The following MAP3K4 variants were observed in gnomAD, a reference collection of about 807,000 sequenced individuals.
The protein encoded by MAP3K4 is MAP three kinase 1.
A neutral mutation model predicts 185.6 loss-of-function variants in MAP3K4; 67 were observed. That is an observed-to-expected ratio of 0.36 (90% confidence interval 0.30 to 0.44). MAP3K4 has a LOEUF of 0.44. Among genes scored for constraint, MAP3K4 ranks in the 20% least tolerant of loss-of-function variants. MAP3K4 has a pLI of 1.00. For synonymous variants in MAP3K4, 702 were observed against 710.4 expected, an observed-to-expected ratio of 0.99 and a Z score of 0.19; for missense variants, 1,551 against 1,995.1, an observed-to-expected ratio of 0.78 and a Z score of 4.24.
chr6:161,044,281 A>T (rs1019346933), intron 2 of MAP3K4, among the ~76,000 whole-genome samples: 2 of 152,210 alleles, frequency 1.3e-5, no homozygotes, highest in South Asian at 2.1e-4. Context: ...CAAATAAAAC[A>T]TTCTATATAG....
chr6:161,054,394 A>T lies in MAP3K4; in HGVS notation c.1707+4415A>T, dbSNP rs1784143815. 6.6e-6 allele frequency among the ~76,000 whole-genome samples: 1 copy of T among 152,156 alleles called. No individual in the cohort carries two copies. The highest frequency in any genetic ancestry group is 6.5e-5 in the Admixed American group (1 of 15,270). ...GGTCTCAAACTCCTGACCTCACATG[A>T]TCCACCCGCCTTGGCCTCCCAAAGT... is the stretch of plus-strand genomic sequence containing the variant. On this transcript the variant is annotated intron_variant, in intron 3 of 26. Transcript: ENST00000392142. The surrounding 1 kb of genome is among the most constrained non-coding windows in gnomAD (Gnocchi z 4.2).
chr6:161,027,409 A>C (rs1473954735), intron 1 of MAP3K4, among the ~76,000 whole-genome samples: 2 of 152,232 alleles, frequency 1.3e-5, no homozygotes, highest in African/African-American at 2.4e-5. Flanking sequence ...TGCTTTGCAA[A>C]GTGTCAGTAT....
chr6:161,025,297 G>C (rs924039322), intron 1 of MAP3K4, among the ~76,000 whole-genome samples: 10 of 152,222 alleles, frequency 6.6e-5, no homozygotes, highest in African/African-American at 2.4e-4. Flanking sequence ...TTATTGGAGA[G>C]TGGTATTGGG....
intron 1 of MAP3K4, among the ~76,000 whole-genome samples, chr6:161,021,074 G>A (rs1406291851): frequency 2.0e-5 from 3 of 152,122 alleles, no homozygotes; most frequent in Non-Finnish European, 4.4e-5. Context: ...TTTTAATTAA[G>A]AAAGTTATAG....
Position 161,076,386 on chromosome 6 carries a change from A to T in MAP3K4, c.2097+2774A>T, listed in dbSNP as rs1005777477. 3.9e-5 allele frequency among the ~76,000 whole-genome samples: 6 copies of T among 152,238 alleles called. No homozygotes were observed. Among genetic ancestry groups the T allele is most frequent in the African/African-American group, 1.4e-4 (6 of 41,460 alleles). ...AGCAGGGGGAGGGGAAGCAGTGATT[A>T]GCAAGTTATGATGCAGAAATTCTGT... On this transcript the variant is annotated intron_variant, in intron 5 of 26. Coordinates refer to ENST00000392142, the MANE Select transcript of MAP3K4 (RefSeq NM_005922.4). This position sits in a 1 kb window ranked among gnomAD's most constrained non-coding sequence, Gnocchi z 4.2.
Position 161,061,820 on chromosome 6 carries a change from C to T in MAP3K4, c.1708-8788C>T, listed in dbSNP as rs1168602080. Among the ~76,000 whole-genome samples, 1 of 152,116 alleles carries T rather than the reference C, an allele frequency of 6.6e-6. No homozygotes were observed. The highest frequency in any genetic ancestry group is 1.5e-5 in the Non-Finnish European group (1 of 68,032). Reference sequence around the variant, plus strand: ...TCCTTTTTATGACTGAATAATATTCCATTGTATGGCTATACCACGTTTTGT... The same window carrying T: ...TCCTTTTTATGACTGAATAATATTCTATTGTATGGCTATACCACGTTTTGT... On this transcript the variant is annotated intron_variant, in intron 3 of 26. Transcript: ENST00000392142. The surrounding 1 kb of genome is among the most constrained non-coding windows in gnomAD (Gnocchi z 4.2).
At position 161,017,375 on chromosome 6, in the gene MAP3K4, A is replaced by G. The variant is rs936856900; in HGVS notation, c.153-16884A>G. Among the ~76,000 whole-genome samples the G allele has an allele frequency of 1.3e-5, 2 of 152,172 alleles. No homozygotes were observed. Among genetic ancestry groups the G allele is most frequent in the African/African-American group, 4.8e-5 (2 of 41,430 alleles). On this transcript the variant is annotated intron_variant, in intron 1 of 26. Transcript: ENST00000392142. The surrounding 1 kb of genome is among the most constrained non-coding windows in gnomAD (Gnocchi z 5.1). ...TAATAGGGATGAGGGTGATAGAACTACTAACTGTTTTTCTGACAAGCACGT... is the reference window on the plus strand; with the variant it reads ...TAATAGGGATGAGGGTGATAGAACTGCTAACTGTTTTTCTGACAAGCACGT...
chr6:161,000,342 G>A (rs1344097370), intron 1 of MAP3K4, among the ~76,000 whole-genome samples: 3 of 152,138 alleles, frequency 2.0e-5, no homozygotes, highest in Non-Finnish European at 4.4e-5. Context: ...CCTTGAGACT[G>A]AGTCAGGAGA....
chr6:161,048,245 G>A lies in MAP3K4; in HGVS notation c.344-371G>A, dbSNP rs759824102. On this transcript the variant is annotated intron_variant, in intron 2 of 26. Transcript: ENST00000392142. This position sits in a 1 kb window ranked among gnomAD's most constrained non-coding sequence, Gnocchi z 4.7. Reference sequence around the variant, plus strand: ...GGAATTAAATATATTTTCTCATCCAGGTGTCCGTCAGATCTCCCATGCTGT... The same window carrying A: ...GGAATTAAATATATTTTCTCATCCAAGTGTCCGTCAGATCTCCCATGCTGT... The A allele has an allele frequency of 7.4e-6, 4 of 540,730 alleles. No individual in the cohort carries two copies. The highest frequency in any genetic ancestry group is 1.5e-5 in the Non-Finnish European group (4 of 265,868). 33.5% of individuals were successfully genotyped at this position (540,730 alleles called of 1,614,324 possible). A position where few individuals can be genotyped will look rare whatever the true frequency, so the allele number is the denominator to read the frequency against.
At chr6:161,083,837 C>T (rs957876527) in intron 6 of MAP3K4, among the ~76,000 whole-genome samples, 3 of 152,152 alleles carry the variant, frequency 2.0e-5, no homozygotes, top group Non-Finnish European at 2.9e-5. Context: ...ACTGTGCCTT[C>T]GGGGTTGGTC....
chr6:161,107,048 GCGCACACACACACACACACACA>G lies in MAP3K4; in HGVS notation c.4048+345_4048+366del, dbSNP rs941876047. Among the ~76,000 whole-genome samples the G allele has an allele frequency of 2.1e-5, 3 of 141,002 alleles. No homozygotes were observed. The highest frequency in any genetic ancestry group is 7.6e-5 in the African/African-American group (3 of 39,218). The allele number at this position is 141,002 out of a possible 152,430, so 92.5% of individuals were successfully genotyped here. ...TCTCTCTCTCTCTCTACACACGCGC[GCGCACACACACACACACACACA>G]CACACACACGCAGAACGTGATTTGA... On this transcript the variant is annotated intron_variant, in intron 20 of 26. Coordinates refer to ENST00000392142, the MANE Select transcript of MAP3K4 (RefSeq NM_005922.4). The surrounding 1 kb of genome is among the most constrained non-coding windows in gnomAD (Gnocchi z 6.2).
chr6:161,000,840 T>C (rs193083458), intron 1 of MAP3K4, among the ~76,000 whole-genome samples: 15 of 144,392 alleles, frequency 1.0e-4, no homozygotes, highest in African/African-American at 1.7e-4. Flanking sequence ...CACATACACA[T>C]GTGTACGCAC....
intron 7 of MAP3K4, among the ~76,000 whole-genome samples, chr6:161,085,651 C>A (rs1332979195): frequency 6.6e-6 from 1 of 152,320 alleles, no homozygotes; most frequent in Admixed American, 6.5e-5. Flanking sequence ...CACATGGTTT[C>A]TCACCTGGGA....
chr6:161,010,080 A>C (rs2115074999), intron 1 of MAP3K4, among the ~76,000 whole-genome samples: 1 of 152,334 alleles, frequency 6.6e-6, no homozygotes, highest in East Asian at 1.9e-4. Context: ...CGTGAGGTTG[A>C]ATGCTGTTTT....
Position 161,037,503 on chromosome 6 carries a change from C to T in MAP3K4, c.343+3054C>T, listed in dbSNP as rs780507263. On this transcript the variant is annotated intron_variant, in intron 2 of 26. Transcript: ENST00000392142. The surrounding 1 kb of genome is among the most constrained non-coding windows in gnomAD (Gnocchi z 4.2). ...GCGCGATCTCAGCTCACTGCAACCT[C>T]CGCCTCCTGGGTTCAAGCAATTCTC... Among the ~76,000 whole-genome samples, 23 of 152,178 alleles carry T rather than the reference C, an allele frequency of 1.5e-4. No homozygotes were observed. The highest frequency in any genetic ancestry group is 2.1e-4 in the Non-Finnish European group (14 of 68,036).
chr6:161,073,807 G>C lies in MAP3K4; in HGVS notation c.2097+195G>C, dbSNP rs1785055054. ...TGCGGAGGGCGGTGGTGGTGATCTT[G>C]AATCAGAGTCTTTCCATCTGGTATT... On this transcript the variant is annotated intron_variant, in intron 5 of 26. Coordinates refer to ENST00000392142, the MANE Select transcript of MAP3K4 (RefSeq NM_005922.4). This position sits in a 1 kb window ranked among gnomAD's most constrained non-coding sequence, Gnocchi z 4.2. 6.6e-6 allele frequency among the ~76,000 whole-genome samples: 1 copy of C among 152,050 alleles called. No individual in the cohort carries two copies. Among genetic ancestry groups the C allele is most frequent in the Admixed American group, 6.6e-5 (1 of 15,264 alleles).
chr6:161,030,127 G>C (rs1452326164), intron 1 of MAP3K4, among the ~76,000 whole-genome samples: 1 of 151,996 alleles, frequency 6.6e-6, no homozygotes, highest in Non-Finnish European at 1.5e-5. Flanking sequence ...TCAGAGATTT[G>C]TTTCTGTGCC....
intron 3 of MAP3K4, among the ~76,000 whole-genome samples, chr6:161,055,503 C>T (rs1051913437): frequency 6.6e-6 from 1 of 152,158 alleles, no homozygotes; most frequent in Non-Finnish European, 1.5e-5. Context: ...TTCTCACTTA[C>T]CCAATACATT....
At chr6:161,002,050 GTTT>G (rs77347524) in intron 1 of MAP3K4, among the ~76,000 whole-genome samples, 4 of 112,418 alleles carry the variant, frequency 3.6e-5, no homozygotes, top group Non-Finnish European at 1.8e-5. Context: ...TAAGAAAAAG[GTTT>G]TTTTTTTTTT....
Sources: gnomAD v4.1 joint callset for allele counts (sites outside exome capture counted in the v4.1 genomes callset) on GRCh38, gnomAD v4.1.1 for gene constraint, Gnocchi (gnomAD v3.1) non-coding constraint, MANE v1.5 for transcripts, NCBI Gene and HGNC (gene_info 2026-07-23, HGNC 2026-07-21) for gene names.